The following KIZ variants were observed in gnomAD, a reference collection of about 807,000 sequenced individuals.
KIZ encodes centrosomal protein kizuna.
A neutral mutation model predicts 79.6 loss-of-function variants in KIZ; 68 were observed. The ratio of observed to expected loss-of-function variants is 0.85; its 90% confidence interval spans 0.70 to 1.05. The LOEUF (loss-of-function observed/expected upper bound fraction) is 1.05, where lower values mean the gene tolerates loss of function less well. Among genes scored for constraint, KIZ ranks in the 50% least tolerant of loss-of-function variants. The pLI, the probability that KIZ is intolerant of heterozygous loss-of-function variation, is 0.00. For missense variants in KIZ, 797 were observed against 800.4 expected, an observed-to-expected ratio of 1.00 and a Z score of 0.05; for synonymous variants, 280 against 281.8, an observed-to-expected ratio of 0.99 and a Z score of 0.06.
At chr20:21,203,623 T>G (rs1033119776) in intron 6 of KIZ, among the ~76,000 whole-genome samples, 2 of 152,242 alleles carry the variant, frequency 1.3e-5, no homozygotes, top group Non-Finnish European at 2.9e-5. Context: ...CTGCATTTAT[T>G]GGAAGAACTT....
chr20:21,213,125 G>C (rs2036137881), intron 7 of KIZ, among the ~76,000 whole-genome samples: 3 of 152,196 alleles, frequency 2.0e-5, no homozygotes. Flanking sequence ...CATGGGTCCA[G>C]GTCAGCCAGT....
rs766193692 is a variant in KIZ at position 21,163,010 on chromosome 20, G to A, written c.1203G>A (p.Lys401=). The change falls in exon 6 of 13, where the codon AAG becomes AAA. Residue 401 remains lysine (K), a synonymous_variant. Coordinates refer to ENST00000619189, the MANE Select transcript of KIZ (RefSeq NM_018474.6). ...SPEPQPNPGG[K]MEGEDGIEAL... is the part of the protein sequence containing the mutation. ...AACCACAGCCAAATCCAGGTGGCAAGATGGAGGGAGAAGATGGAATAGAGG... is the reference window on the plus strand; with the variant it reads ...AACCACAGCCAAATCCAGGTGGCAAAATGGAGGGAGAAGATGGAATAGAGG... 6.2e-5 allele frequency: 100 copies of A among 1,613,826 alleles called. No homozygotes were observed. The highest frequency in any genetic ancestry group is 8.0e-5 in the Non-Finnish European group (94 of 1,179,852).
chr20:21,159,379 A>G (rs763462950), intron 4 of KIZ, among the ~76,000 whole-genome samples: 6 of 151,906 alleles, frequency 3.9e-5, no homozygotes, highest in Non-Finnish European at 8.8e-5. Flanking sequence ...TGATAGCTTT[A>G]TAGTTTTTAT....
At chr20:21,166,623 A>ATTT in intron 6 of KIZ, 10 of 758,154 alleles carry the variant, frequency 1.3e-5, no homozygotes, top group South Asian at 3.7e-5. Context: ...GAGCTTTTGT[A>ATTT]TTTTTTTTTT....
At chr20:21,239,274 C>G (rs1215418470) in intron 11 of KIZ, among the ~76,000 whole-genome samples, 1 of 152,196 alleles carries the variant, frequency 6.6e-6, no homozygotes, top group Non-Finnish European at 1.5e-5. Flanking sequence ...GAAAGCAGCT[C>G]ACATAGCCAG....
At chr20:21,141,656 G>A (rs2032536983) in intron 3 of KIZ, among the ~76,000 whole-genome samples, 1 of 152,024 alleles carries the variant, frequency 6.6e-6, no homozygotes, top group Non-Finnish European at 1.5e-5. Flanking sequence ...GGGCATTCAG[G>A]GAGGATCCCC....
intron 6 of KIZ, among the ~76,000 whole-genome samples, chr20:21,199,308 G>T (rs904859318): frequency 6.6e-6 from 1 of 152,170 alleles, no homozygotes; most frequent in Non-Finnish European, 1.5e-5. Context: ...CATAAGAAAT[G>T]ATCCTTCTTT....
chr20:21,215,769 C>A, intron 9 of KIZ, 121 bp downstream of exon 9: 1 of 570,390 alleles, frequency 1.8e-6, no homozygotes, highest in Non-Finnish European at 3.2e-6. Context: ...CTACTGCATG[C>A]TGGAGCAGGA....
At chr20:21,223,308 G>C (rs6035811) in intron 9 of KIZ, among the ~76,000 whole-genome samples, 87,894 of 152,008 alleles carry the variant, frequency 0.58, 27,213 homozygotes, top group South Asian at 0.78. Context: ...TTCAAGCCTG[G>C]AATTTGTTTT....
intron 6 of KIZ, chr20:21,197,947 G>A (rs1225772547): frequency 6.6e-6 from 1 of 152,220 alleles, no homozygotes; most frequent in Admixed American, 6.5e-5. Flanking sequence ...GCTATGAAAA[G>A]CAAGTCAGGG....
chr20:21,176,540 A>AT (rs2034441212), intron 6 of KIZ, among the ~76,000 whole-genome samples: 2 of 149,400 alleles, frequency 1.3e-5, no homozygotes, highest in African/African-American at 4.9e-5. Flanking sequence ...CTGGCTTTCA[A>AT]CAAAAAACAT....
intron 6 of KIZ, among the ~76,000 whole-genome samples, chr20:21,185,911 T>C (rs2034858775): frequency 6.6e-6 from 1 of 152,008 alleles, no homozygotes; most frequent in African/African-American, 2.4e-5. Context: ...ATAGGAAAAT[T>C]AATCTTTGAA....
intron 6 of KIZ, among the ~76,000 whole-genome samples, chr20:21,167,873 A>G (rs1304202647): frequency 6.6e-6 from 1 of 152,122 alleles, no homozygotes; most frequent in Non-Finnish European, 1.5e-5. Context: ...TTATATATCA[A>G]TGCATAATGA....
At position 21,162,418 on chromosome 20, in the gene KIZ, C is replaced by T. The variant is rs772213549; in HGVS notation, c.953C>T (p.Pro318Leu). Residue 318 changes from proline (P) to leucine (L), a missense_variant, in exon 5 of 13, where the codon CCG becomes CTG. Pro to Leu is a moderately conservative substitution (Grantham distance 98). Transcript: ENST00000619189. ...GAAGTTGAGGAAAAAAGAGCCAGCCCGCCAGTCTCTCCGATACCAGTTTCA... is the reference window on the plus strand; with the variant it reads ...GAAGTTGAGGAAAAAAGAGCCAGCCTGCCAGTCTCTCCGATACCAGTTTCA... ...HIEVEEKRAS[P>L]PVSPIPVSEY... The T allele has an allele frequency of 1.7e-5, 27 of 1,612,816 alleles. No homozygotes were observed. Among genetic ancestry groups the T allele is most frequent in the Middle Eastern group, 1.6e-4 (1 of 6,080 alleles).
chr20:21,217,081 C>T (rs2036321357), intron 9 of KIZ, among the ~76,000 whole-genome samples: 1 of 152,110 alleles, frequency 6.6e-6, no homozygotes, highest in Non-Finnish European at 1.5e-5. Context: ...ATTGATCCAT[C>T]AATAGTTGGC....
chr20:21,188,215 TA>T (rs1433711247), intron 6 of KIZ, among the ~76,000 whole-genome samples: 1 of 152,182 alleles, frequency 6.6e-6, no homozygotes, highest in Non-Finnish European at 1.5e-5. Flanking sequence ...TTGTGAGTCG[TA>T]AGACTCCCCA....
At chr20:21,218,295 G>A (rs538823295) in intron 9 of KIZ, 5 of 152,158 alleles carry the variant, frequency 3.3e-5, no homozygotes, top group South Asian at 4.2e-4. Flanking sequence ...TCTCTGTCTC[G>A]GGGTGCCTAT....
intron 11 of KIZ, among the ~76,000 whole-genome samples, chr20:21,236,615 C>G (rs1252764254): frequency 1.3e-5 from 2 of 152,162 alleles, no homozygotes; most frequent in Non-Finnish European, 2.9e-5. Context: ...AGTCTCATTG[C>G]CACACTCAAT....
intron 11 of KIZ, among the ~76,000 whole-genome samples, chr20:21,242,086 C>T (rs545946489): frequency 2.6e-5 from 4 of 152,284 alleles, no homozygotes; most frequent in South Asian, 2.1e-4. Context: ...TGCTGTGCAC[C>T]GCCTTACCCA....
Sources: allele counts gnomAD v4.1 joint callset (sites outside exome capture counted in the v4.1 genomes callset), GRCh38; gene constraint gnomAD v4.1.1; transcripts MANE v1.5; gene names NCBI Gene and HGNC (gene_info 2026-07-23, HGNC 2026-07-21).